The following FAT1 variants were observed in gnomAD, a reference collection of about 807,000 sequenced individuals.
FAT1 encodes FAT atypical cadherin 1.
A neutral mutation model predicts 329.8 loss-of-function variants in FAT1; 171 were observed. That is an observed-to-expected ratio of 0.52 (90% CI 0.46 to 0.59). The LOEUF (loss-of-function observed/expected upper bound fraction) is 0.59. Among genes scored for constraint, FAT1 ranks in the 20% least tolerant of loss-of-function variants. The probability of loss-of-function intolerance (pLI) is 0.00; values close to 1 mark genes in which losing one functional copy is unlikely to be tolerated. For missense variants in FAT1, 5,672 were observed against 5,774.4 expected, an observed-to-expected ratio of 0.98 and a Z score of 0.57; for synonymous variants, 2,233 against 2,228.6, an observed-to-expected ratio of 1.00 and a Z score of -0.06.
chr4:186,677,153 C>G (rs1742999076), intron 2 of FAT1, among the ~76,000 whole-genome samples: 1 of 152,152 alleles, frequency 6.6e-6, no homozygotes, highest in Non-Finnish European at 1.5e-5. Context: ...AATCTTTAAA[C>G]TTTAAAAATT....
At chr4:186,608,169 T>C (rs1357381150) in intron 16 of FAT1, among the ~76,000 whole-genome samples, 1 of 152,222 alleles carries the variant, frequency 6.6e-6, no homozygotes. Context: ...GCTTTGTGGA[T>C]TCTAATTTTT....
chr4:186,697,655 A>G (rs1744102826), intron 2 of FAT1, among the ~76,000 whole-genome samples: 1 of 152,228 alleles, frequency 6.6e-6, no homozygotes, highest in East Asian at 1.9e-4. Flanking sequence ...TAATTTTTAT[A>G]CAGGTTTTAT....
chr4:186,724,552 CGGCCCCAGG>C (rs1227922578), upstream of FAT1, among the ~76,000 whole-genome samples: 2 of 152,180 alleles, frequency 1.3e-5, no homozygotes, highest in East Asian at 3.9e-4. The surrounding 1 kb of genome is among the most constrained non-coding windows in gnomAD (Gnocchi z 5.3). Flanking sequence ...GCCCGGGAGT[CGGCCCCAGG>C]GGCCCCAAAG....
At chr4:186,602,454 T>C (rs1738857533) in intron 20 of FAT1, among the ~76,000 whole-genome samples, 2 of 152,160 alleles carry the variant, frequency 1.3e-5, no homozygotes, top group South Asian at 4.1e-4. Flanking sequence ...ATAAGAACAA[T>C]GTTGAATAAG....
chr4:186,599,294 T>C (rs1303285793), intron 22 of FAT1, among the ~76,000 whole-genome samples: 2 of 152,174 alleles, frequency 1.3e-5, no homozygotes, highest in Non-Finnish European at 2.9e-5. Context: ...TTTTGCTCTG[T>C]TCATTATACC....
At chr4:186,599,532 T>C (rs1244208139) in intron 22 of FAT1, among the ~76,000 whole-genome samples, 3 of 152,082 alleles carry the variant, frequency 2.0e-5, no homozygotes, top group Admixed American at 2.0e-4. Context: ...CGCTGAGCCA[T>C]TAGATAAAAG....
upstream of FAT1, among the ~76,000 whole-genome samples, chr4:186,724,059 G>T (rs796131171): frequency 6.6e-5 from 10 of 151,852 alleles, no homozygotes; most frequent in African/African-American, 2.4e-4. This position sits in a 1 kb window ranked among gnomAD's most constrained non-coding sequence, Gnocchi z 5.3. Context: ...GCCCAGCGGG[G>T]TCTAGCGCGG....
At position 186,627,981 on chromosome 4, in the gene FAT1, T is replaced by TA. The variant is rs146547583; in HGVS notation, c.4810+172dup. ...CCAAACTCTCTGATGGGCTAAAAGTTAAAAAAAAAAAAATTCCTTTCTCCT... is the reference window on the plus strand; with the variant it reads ...CCAAACTCTCTGATGGGCTAAAAGTTAAAAAAAAAAAAAATTCCTTTCTCCT... On this transcript the variant is annotated intron_variant, in intron 9 of 26. Transcript: ENST00000441802. 0.16 allele frequency among the ~76,000 whole-genome samples: 23,746 copies of TA among 146,348 alleles called. 2,079 individuals are homozygous for TA. The highest frequency in any genetic ancestry group is 0.4 in the East Asian group (2,029 of 5,056).
intron 2 of FAT1, among the ~76,000 whole-genome samples, chr4:186,693,704 T>C (rs895131827): frequency 6.6e-6 from 1 of 152,180 alleles, no homozygotes; most frequent in East Asian, 1.9e-4. Flanking sequence ...GAGGCTGTTC[T>C]AAGCTATGAG....
At chr4:186,712,144 T>C (rs1322747643) in intron 1 of FAT1, among the ~76,000 whole-genome samples, 1 of 152,348 alleles carries the variant, frequency 6.6e-6, no homozygotes, top group African/African-American at 2.4e-5. Flanking sequence ...TGTTGACATA[T>C]GTCTAGCTAT....
chr4:186,628,300 G>A lies in FAT1; in HGVS notation c.4664C>T (p.Thr1555Met), dbSNP rs201060026. The A allele has an allele frequency of 3.4e-5, 55 of 1,613,586 alleles. 1 individual carries two copies. The highest frequency in any genetic ancestry group is 2.7e-4 in the African/African-American group (20 of 75,014). ...GGTGAACCACGGGGCGTGGTCATTC[G>A]TGTCGCTGACATTGACCACAATCCT... Reference protein sequence around the residue: ...FARIVVNVSDTNDHAPWFTAS... With the variant: ...FARIVVNVSDMNDHAPWFTAS... The change falls in exon 9 of 27, where the codon ACG (threonine) becomes ATG (methionine). Residue 1555 changes from threonine to methionine, a missense_variant. By Grantham distance (81) the Thr-to-Met change is moderately conservative (BLOSUM62 -1). Transcript: ENST00000441802.
At chr4:186,704,956 T>TC (rs1368386225) in intron 2 of FAT1, among the ~76,000 whole-genome samples, 2 of 149,972 alleles carry the variant, frequency 1.3e-5, no homozygotes, top group African/African-American at 4.9e-5. Context: ...TTTTTTTTTT[T>TC]TTTTTTTTGA....
chr4:186,667,080 G>A (rs970658297), intron 2 of FAT1, among the ~76,000 whole-genome samples: 3 of 152,172 alleles, frequency 2.0e-5, no homozygotes, highest in African/African-American at 7.2e-5. Flanking sequence ...ATACACAATA[G>A]CTTTCTCTAA....
Position 186,666,686 on chromosome 4 carries a change from A to G in FAT1, c.3266-3073T>C, listed in dbSNP as rs368822712. ...TAAATGTGACTAGAGGCATTTACAA[A>G]CAGTGATAATTACAGAAACAATTTG... is the stretch of plus-strand genomic sequence containing the variant. On this transcript the variant is annotated intron_variant, in intron 2 of 26. Transcript: ENST00000441802. Among the ~76,000 whole-genome samples, 4 of 152,228 alleles carry G rather than the reference A, an allele frequency of 2.6e-5. No individual in the cohort carries two copies. The East Asian group carries it at 5.8e-4, about 22-fold the overall frequency.
chr4:186,635,385 T>C (rs1740778268), intron 6 of FAT1, among the ~76,000 whole-genome samples: 1 of 152,212 alleles, frequency 6.6e-6, no homozygotes, highest in Non-Finnish European at 1.5e-5. Context: ...ATTCAATGTC[T>C]TATCTAAACT....
At chr4:186,590,740 C>T (rs760993715) in intron 26 of FAT1, 3 of 449,834 alleles carry the variant, frequency 6.7e-6, no homozygotes, top group South Asian at 3.1e-5. Flanking sequence ...ACAAAACAAA[C>T]AGGCTCTAAT....
chr4:186,659,029 G>A (rs1003817945), intron 3 of FAT1, among the ~76,000 whole-genome samples: 2 of 152,204 alleles, frequency 1.3e-5, no homozygotes, highest in African/African-American at 2.4e-5. Flanking sequence ...ATATACGATC[G>A]AACCGCACAT....
chr4:186,638,558 G>C (rs1405158444), intron 4 of FAT1, among the ~76,000 whole-genome samples: 2 of 151,858 alleles, frequency 1.3e-5, no homozygotes, highest in Non-Finnish European at 2.9e-5. Context: ...GCTCCTAATG[G>C]GGAAAGCACT....
Position 186,591,322 on chromosome 4 carries a change from A to C in FAT1, c.13139-2102T>G, listed in dbSNP as rs554467786. Reference sequence around the variant, plus strand: ...TTCAACAGTGTTATAATTTGGGACAAATATTTGATTGATAGTTCACTTCTA... The same window carrying C: ...TTCAACAGTGTTATAATTTGGGACACATATTTGATTGATAGTTCACTTCTA... On this transcript the variant is annotated intron_variant, in intron 26 of 26. Coordinates refer to ENST00000441802, the MANE Select transcript of FAT1 (RefSeq NM_005245.4). Among the ~76,000 whole-genome samples, 95 of 152,362 alleles carry C rather than the reference A, an allele frequency of 6.2e-4. 1 individual carries two copies. Among genetic ancestry groups the C allele is most frequent in the African/African-American group, 2.2e-3 (91 of 41,590 alleles).
Sources: gnomAD v4.1 joint callset for allele counts (sites outside exome capture counted in the v4.1 genomes callset) on GRCh38, gnomAD v4.1.1 for gene constraint, Gnocchi (gnomAD v3.1) non-coding constraint, MANE v1.5 for transcripts, NCBI Gene and HGNC (gene_info 2026-07-23, HGNC 2026-07-21) for gene names.